The following SLC9A3 variants were observed in gnomAD, a reference collection of about 807,000 sequenced individuals.
SLC9A3 encodes the protein sodium/hydrogen exchanger 3.
SLC9A3 carries 37 observed loss-of-function variants against 86.8 expected under a neutral mutation model. The observed-to-expected ratio is 0.43, with a 90% confidence interval of 0.33 to 0.56. The LOEUF (loss-of-function observed/expected upper bound fraction) is 0.56, where lower values mean the gene tolerates loss of function less well. Among genes scored for constraint, SLC9A3 ranks in the 20% least tolerant of loss-of-function variants. The pLI is 0.06. For synonymous variants in SLC9A3, 581 were observed against 528.3 expected (o/e 1.10, Z -1.37); for missense variants, 1,011 against 1,171.9 (o/e 0.86, Z 2.00).
Position 506,651 on chromosome 5 carries a change from T to A in SLC9A3, c.212-14580A>T, listed in dbSNP as rs566743555. ...GTGCAGAGCTGGTTTCCTATGATAA[T>A]CTCGACTTTTCTGGGCAGTTGTAAA... On this transcript the variant is annotated intron_variant, in intron 1 of 16. Transcript: ENST00000264938. 2.6e-5 allele frequency among the ~76,000 whole-genome samples: 4 copies of A among 152,272 alleles called. No homozygotes were observed. In the South Asian group the frequency reaches 8.3e-4, roughly 32 times the overall value.
At chr5:521,593 AAG>A (rs1490403169) in intron 1 of SLC9A3, among the ~76,000 whole-genome samples, 28 of 152,204 alleles carry the variant, frequency 1.8e-4, no homozygotes, top group Admixed American at 8.5e-4. Context: ...TTGAGACTGA[AAG>A]AGTGTGGCCA....
chr5:475,727 C>T, intron 14 of SLC9A3, 56 bp from the exon 15 acceptor site: 1 of 986,902 alleles, frequency 1.0e-6, no homozygotes, highest in Non-Finnish European at 1.6e-6. Flanking sequence ...GTCCTCACAG[C>T]CCAGTCAGCA....
chr5:476,823 CAT>C lies in SLC9A3; in HGVS notation c.1761-153_1761-152del, dbSNP rs1343218475. 3.3e-6 allele frequency: 3 copies of C among 921,392 alleles called. No individual in the cohort carries two copies. The East Asian group carries it at 7.9e-5, about 24-fold the overall frequency. The allele number at this position is 921,392 out of a possible 1,614,324, so 57.1% of individuals were successfully genotyped here. ...TGGGCACCCGGCTGGGGCACGGGGA[CAT>C]CTGCCATCTGGCCAGCCCCTTCTCC... is the stretch of plus-strand genomic sequence containing the variant. On this transcript the variant is annotated intron_variant, in intron 11 of 16. Transcript: ENST00000264938.
rs1579788590 is a variant in SLC9A3, at chr5:488,297, C to T, written c.675+19G>A. On this transcript the variant is annotated intron_variant, in intron 3 of 16. Coordinates refer to ENST00000264938, the MANE Select transcript of SLC9A3 (RefSeq NM_004174.4). ...CTCCCACGGCTCGCCCGCTCTGGAG[C>T]GGTGGCTCCGTTGCTCACCACGGTG... 6 of 1,611,466 alleles carry T rather than the reference C, an allele frequency of 3.7e-6. No individual in the cohort carries two copies. The highest frequency in any genetic ancestry group is 4.2e-6 in the Non-Finnish European group (5 of 1,179,192).
intron 1 of SLC9A3, among the ~76,000 whole-genome samples, chr5:510,296 T>C (rs1740820249): frequency 6.6e-6 from 1 of 152,122 alleles, no homozygotes; most frequent in East Asian, 1.9e-4. Context: ...TCTAAGGTGT[T>C]CGTGTGGGAC....
At chr5:505,907 A>G (rs1027513921) in intron 1 of SLC9A3, among the ~76,000 whole-genome samples, 34 of 151,168 alleles carry the variant, frequency 2.2e-4, no homozygotes, top group Admixed American at 1.1e-3. Context: ...AGGCAAAGGC[A>G]TGAGGCCCCC....
In SLC9A3 at chr5:483,486, C is replaced by T; in HGVS notation, c.933-4G>A. 1 of 1,563,552 alleles carries T rather than the reference C, an allele frequency of 6.4e-7. No individual in the cohort carries two copies. The highest frequency in any genetic ancestry group is 8.7e-7 in the Non-Finnish European group (1 of 1,153,302). Reference sequence around the variant, plus strand: ...GCAGATGCCACAGAAGGTGATGCTGCAGGGACAGACGCGCCTCAGGACACG... The same window carrying T: ...GCAGATGCCACAGAAGGTGATGCTGTAGGGACAGACGCGCCTCAGGACACG... On this transcript the variant is annotated splice_polypyrimidine_tract_variant and splice_region_variant and intron_variant, in intron 5 of 16. Coordinates refer to ENST00000264938, the MANE Select transcript of SLC9A3 (RefSeq NM_004174.4).
rs778066069 is a variant in SLC9A3, at chr5:507,166, CTTTTTT to C, written c.212-15101_212-15096del. Among the ~76,000 whole-genome samples the C allele has an allele frequency of 2.9e-4, 9 of 30,640 alleles. 4 individuals carry two copies. Among genetic ancestry groups the C allele is most frequent in the African/African-American group, 6.6e-4 (5 of 7,568 alleles). 20.1% of individuals were successfully genotyped at this position (30,640 alleles called of 152,430 possible). A position where few individuals can be genotyped will look rare whatever the true frequency, so the allele number is the denominator to read the frequency against. On this transcript the variant is annotated intron_variant, in intron 1 of 16. Coordinates refer to ENST00000264938, the MANE Select transcript of SLC9A3 (RefSeq NM_004174.4). ...AGAAGGAGGGATCCGGCTGCTGCTT[CTTTTTT>C]TTTTTTTTTTTTTTGAGACGGAGTC...
rs150465275 is a variant in SLC9A3, at chr5:477,394, G to A, written c.1698C>T (p.Asn566=). 1.2e-4 allele frequency: 200 copies of A among 1,613,216 alleles called. No individual in the cohort carries two copies. The African/African-American group carries it at 2.3e-3, about 18-fold the overall frequency. The change falls in exon 11 of 17, where the codon AAC becomes AAT. Residue 566 remains asparagine (N), a synonymous_variant. Coordinates refer to ENST00000264938, the MANE Select transcript of SLC9A3 (RefSeq NM_004174.4). The stretch of plus-strand genomic sequence containing the variant: ...GTGGCGTGAAGTCCACGTTGACCAC[G>A]TTGTCGGTGCTGGGGGAGCGGATGA... The part of the protein sequence containing the change: ...LAFIRSPSTD[N]VVNVDFTPRS...
At chr5:504,675 G>T (rs1006313416) in intron 1 of SLC9A3, among the ~76,000 whole-genome samples, 1 of 152,200 alleles carries the variant, frequency 6.6e-6, no homozygotes, top group Non-Finnish European at 1.5e-5. Flanking sequence ...TCCCTCTGGG[G>T]CCATGGGCAC....
chr5:485,279 C>A (rs776134464), intron 3 of SLC9A3, 48 bp from the exon 4 acceptor site: 1 of 1,513,312 alleles, frequency 6.6e-7, no homozygotes, highest in Non-Finnish European at 9.2e-7. Flanking sequence ...GTTAGTGCCA[C>A]CCCCTCTCCG....
At chr5:485,686 G>A (rs967996478) in intron 3 of SLC9A3, among the ~76,000 whole-genome samples, 2 of 152,228 alleles carry the variant, frequency 1.3e-5, no homozygotes, top group Non-Finnish European at 2.9e-5. Flanking sequence ...TGGGCTCCAC[G>A]CCCAGCAAAG....
intron 4 of SLC9A3, 61 bp downstream of exon 4, chr5:485,092 G>A: frequency 8.0e-7 from 1 of 1,248,060 alleles, no homozygotes; most frequent in Non-Finnish European, 1.2e-6. Flanking sequence ...GCAGGCCAGA[G>A]AAGACAGTTG....
chr5:499,995 G>A (rs904603666), intron 1 of SLC9A3, among the ~76,000 whole-genome samples: 13 of 152,238 alleles, frequency 8.5e-5, no homozygotes, highest in African/African-American at 2.7e-4. Context: ...CAGCCTCCTC[G>A]GCCCAGAGCT....
Position 477,322 on chromosome 5 carries a change from G to A in SLC9A3, c.1760+10C>T. Reference sequence around the variant, plus strand: ...TTCCCCAGGGAAGCTGCATGACCATGGCCACATACAGGAGGTAGGAGACAG... The same window carrying A: ...TTCCCCAGGGAAGCTGCATGACCATAGCCACATACAGGAGGTAGGAGACAG... On this transcript the variant is annotated intron_variant, in intron 11 of 16. Transcript: ENST00000264938. 1.3e-6 allele frequency: 2 copies of A among 1,569,474 alleles called. No individual in the cohort carries two copies. The highest frequency in any genetic ancestry group is 1.7e-6 in the Non-Finnish European group (2 of 1,145,044).
chr5:501,937 G>A (rs1263539623), intron 1 of SLC9A3, among the ~76,000 whole-genome samples: 1 of 152,228 alleles, frequency 6.6e-6, no homozygotes, highest in African/African-American at 2.4e-5. Context: ...GCCCCTCTCC[G>A]AGCGAGGCCG....
Position 497,153 on chromosome 5 carries a change from C to G in SLC9A3, c.212-5082G>C, listed in dbSNP as rs1740053081. Reference sequence around the variant, plus strand: ...GCCTCAGAGAGACAGTCTTTCCACACAGATGTCTGTTCTTGAAATCCCCGA... The same window carrying G: ...GCCTCAGAGAGACAGTCTTTCCACAGAGATGTCTGTTCTTGAAATCCCCGA... On this transcript the variant is annotated intron_variant, in intron 1 of 16. Transcript: ENST00000264938. The surrounding 1 kb of genome is among the most constrained non-coding windows in gnomAD (Gnocchi z 5.4). 6.6e-6 allele frequency among the ~76,000 whole-genome samples: 1 copy of G among 152,200 alleles called. No homozygotes were observed. The highest frequency in any genetic ancestry group is 6.5e-5 in the Admixed American group (1 of 15,280).
intron 1 of SLC9A3, among the ~76,000 whole-genome samples, chr5:499,391 C>T (rs1168711178): frequency 6.6e-6 from 1 of 152,250 alleles, no homozygotes; most frequent in African/African-American, 2.4e-5. Flanking sequence ...GCAGTGCTGT[C>T]CACATGCACA....
rs999269945 is a variant in SLC9A3 at position 479,907 on chromosome 5, T to G, written c.1576A>C (p.Lys526Gln). 1.4e-5 allele frequency: 22 copies of G among 1,613,846 alleles called. No individual in the cohort carries two copies. The highest frequency in any genetic ancestry group is 1.8e-5 in the Non-Finnish European group (21 of 1,179,976). The change falls in exon 10 of 17, where the codon AAG becomes CAG. Residue 526 changes from lysine to glutamine, a missense_variant. Physicochemically the swap from Lys to Gln is moderately conservative, Grantham distance 53. Transcript: ENST00000264938. ...SRVLMRRSAQKSRDRILNVFH... is the reference protein window; with the variant it reads ...SRVLMRRSAQQSRDRILNVFH... ...ACATTCAGGATCCGGTCTCGAGACT[T>G]CTGGGCCGACCGTCTCATGAGGACC...
Sources: allele counts gnomAD v4.1 joint callset (sites outside exome capture counted in the v4.1 genomes callset), GRCh38; gene constraint gnomAD v4.1.1; non-coding constraint Gnocchi (gnomAD v3.1); transcripts MANE v1.5; gene names NCBI Gene and HGNC (gene_info 2026-07-23, HGNC 2026-07-21).